The following GCNT1 variants were observed in gnomAD, a reference collection of about 807,000 sequenced individuals.
The protein encoded by GCNT1 is glucosaminyl (N-acetyl) transferase 1, also known as beta-1,3-galactosyl-O-glycosyl-glycoprotein beta-1,6-N-acetylglucosaminyltransferase.
Under a neutral mutation model 26.2 loss-of-function variants are expected in GCNT1, and 16 were observed. That is an observed-to-expected ratio of 0.61 (90% CI 0.41 to 0.93). The LOEUF (loss-of-function observed/expected upper bound fraction) is 0.93, where lower values mean the gene tolerates loss of function less well. Ranked by LOEUF, GCNT1 falls within the 40% of genes least tolerant of loss-of-function variation. The probability of loss-of-function intolerance (pLI) is 0.00; values close to 1 mark genes in which losing one functional copy is unlikely to be tolerated. For missense variants in GCNT1, 477 were observed against 526.7 expected, an observed-to-expected ratio of 0.91 and a Z score of 0.92; for synonymous variants, 183 against 190.8, an observed-to-expected ratio of 0.96 and a Z score of 0.34.
At chr9:76,426,134 C>T (rs556717655) in intron 1 of GCNT1, among the ~76,000 whole-genome samples, 4 of 152,244 alleles carry the variant, frequency 2.6e-5, no homozygotes, top group Admixed American at 6.5e-5. Flanking sequence ...TGGGAAAGGG[C>T]TGTTATCATC....
At chr9:76,489,632 C>A (rs1350044769) in intron 2 of GCNT1, among the ~76,000 whole-genome samples, 1 of 152,164 alleles carries the variant, frequency 6.6e-6, no homozygotes, top group African/African-American at 2.4e-5. Flanking sequence ...CATTTACAAT[C>A]CTCTAGCTAG....
intron 2 of GCNT1, among the ~76,000 whole-genome samples, chr9:76,488,141 A>G (rs1046302964): frequency 1.3e-5 from 2 of 152,192 alleles, no homozygotes; most frequent in African/African-American, 4.8e-5. Context: ...CCCTGAAAGT[A>G]TATGCAGTAT....
rs188696655 is a variant in GCNT1, at chr9:76,500,010, A to G, written c.-289-906A>G. 1.1e-4 allele frequency among the ~76,000 whole-genome samples: 16 copies of G among 152,278 alleles called. No homozygotes were observed. In the East Asian group the frequency reaches 2.9e-3, roughly 28 times the overall value. On this transcript the variant is annotated intron_variant, in intron 2 of 3. Transcript: ENST00000376730. The stretch of plus-strand genomic sequence containing the variant: ...TATTTAGTTCTTTGAACATATTTAT[A>G]AGAGCTGATTTCAAGTATTTATTAA...
intron 1 of GCNT1, among the ~76,000 whole-genome samples, chr9:76,451,347 T>C (rs1376529102): frequency 1.3e-5 from 2 of 152,078 alleles, no homozygotes; most frequent in Admixed American, 6.5e-5. Flanking sequence ...CTGGCAAAGA[T>C]CAACACTGTT....
At chr9:76,395,493 G>A in the GCNT1 span, among the ~76,000 whole-genome samples, 1 of 152,034 alleles carries the variant, frequency 6.6e-6, no homozygotes, top group South Asian at 2.1e-4. Context: ...AGGCCGACGC[G>A]GGAGGATTGA....
chr9:76,505,063 A>G lies in GCNT1; in HGVS notation c.*1395A>G, dbSNP rs776343724. The G allele has an allele frequency of 7.3e-6, 3 of 412,308 alleles. No individual in the cohort carries two copies. Among genetic ancestry groups the G allele is most frequent in the African/African-American group, 2.1e-5 (1 of 48,620 alleles). The allele number at this position is 412,308 out of a possible 1,614,324, so 25.5% of individuals were successfully genotyped here. ...AAAAAGAAATTCTCGTACTTTTGCC[A>G]TGTTGATACTGTTCAGCAAACAAGC... On this transcript the variant is annotated 3_prime_UTR_variant, in exon 4 of 4. Coordinates refer to ENST00000376730, the MANE Select transcript of GCNT1 (RefSeq NM_001490.5).
intron 2 of GCNT1, among the ~76,000 whole-genome samples, chr9:76,478,127 TAAAG>T (rs1336537231): frequency 2.0e-5 from 3 of 152,050 alleles, no homozygotes; most frequent in South Asian, 2.1e-4. Context: ...TGGGGACAAA[TAAAG>T]GAATAAAAGC....
At chr9:76,418,040 G>A (rs1364376992), upstream of GCNT1, among the ~76,000 whole-genome samples, 1 of 152,178 alleles carries the variant, frequency 6.6e-6, no homozygotes, top group Non-Finnish European at 1.5e-5. Flanking sequence ...TCGGGGTACA[G>A]CCTAGTTTTA....
At chr9:76,435,536 G>A (rs1464816606) in intron 1 of GCNT1, among the ~76,000 whole-genome samples, 4 of 152,170 alleles carry the variant, frequency 2.6e-5, no homozygotes, top group Non-Finnish European at 5.9e-5. Context: ...GTGCCAGCAA[G>A]TTTGGTTTCT....
At chr9:76,444,636 C>G (rs1823545707) in intron 1 of GCNT1, among the ~76,000 whole-genome samples, 1 of 152,212 alleles carries the variant, frequency 6.6e-6, no homozygotes, top group Non-Finnish European at 1.5e-5. Flanking sequence ...CGGGACTAAG[C>G]ACCTGATTAG....
intron 1 of GCNT1, among the ~76,000 whole-genome samples, chr9:76,423,695 T>C (rs1474661497): frequency 6.6e-6 from 1 of 152,226 alleles, no homozygotes; most frequent in East Asian, 1.9e-4. Context: ...GCTTTTTTTC[T>C]CAAGCTTCCA....
At chr9:76,444,836 C>A (rs944473385) in intron 1 of GCNT1, among the ~76,000 whole-genome samples, 1 of 152,196 alleles carries the variant, frequency 6.6e-6, no homozygotes, top group Non-Finnish European at 1.5e-5. Context: ...ACCACAGCAC[C>A]TTCTTCCCTG....
chr9:76,448,047 A>T (rs975051305), intron 1 of GCNT1, among the ~76,000 whole-genome samples: 2 of 152,166 alleles, frequency 1.3e-5, no homozygotes, highest in African/African-American at 4.8e-5. Flanking sequence ...GAGAGCCTCT[A>T]CTCTGAAAGT....
At chr9:76,394,142 A>ACCCCGGCAGAAGTAAGGC in the GCNT1 span, 2 of 1,609,320 alleles carry the variant, frequency 1.2e-6, no homozygotes, top group Non-Finnish European at 1.7e-6. Context: ...GCACCACTTG[A>ACCCCGGCAGAAGTAAGGC]CCCCGGCAGA....
At chr9:76,446,213 G>C (rs555522377) in intron 1 of GCNT1, among the ~76,000 whole-genome samples, 1 of 152,236 alleles carries the variant, frequency 6.6e-6, no homozygotes, top group Admixed American at 6.5e-5. Context: ...CCCTTGCAGA[G>C]ATTATGCAGG....
the GCNT1 span, among the ~76,000 whole-genome samples, chr9:76,397,968 C>T: frequency 1.3e-5 from 2 of 152,222 alleles, no homozygotes; most frequent in Non-Finnish European, 2.9e-5. Context: ...CTAGCATTCT[C>T]AGTAAATCTA....
At chr9:76,394,174 T>C in the GCNT1 span, 1 of 1,598,970 alleles carries the variant, frequency 6.3e-7, no homozygotes, top group Non-Finnish European at 8.5e-7. Context: ...TGCCTCATAA[T>C]GCAGTCCGCT....
At chr9:76,421,058 T>C (rs1372790212) in intron 1 of GCNT1, among the ~76,000 whole-genome samples, 3 of 152,170 alleles carry the variant, frequency 2.0e-5, no homozygotes, top group Non-Finnish European at 4.4e-5. Context: ...TTTGATATTT[T>C]TTCCTCATGG....
chr9:76,487,525 G>A (rs909480208), intron 2 of GCNT1, among the ~76,000 whole-genome samples: 2 of 152,170 alleles, frequency 1.3e-5, no homozygotes, highest in Non-Finnish European at 2.9e-5. Flanking sequence ...ATATGCTTAC[G>A]TGCATATGTA....
Sources: allele counts gnomAD v4.1 joint callset (sites outside exome capture counted in the v4.1 genomes callset), GRCh38; gene constraint gnomAD v4.1.1; transcripts MANE v1.5; gene names NCBI Gene and HGNC (gene_info 2026-07-23, HGNC 2026-07-21).